ARHGAP42: variants seen among roughly 807,000 people sequenced by gnomAD.
ARHGAP42 encodes Rho GTPase activating protein 42, also known as rho GTPase-activating protein 42.
Under a neutral mutation model 125.0 loss-of-function variants are expected in ARHGAP42, and 63 were observed. That is an observed-to-expected ratio of 0.50 (90% confidence interval 0.41 to 0.62). ARHGAP42 has a LOEUF of 0.62. Among genes scored for constraint, ARHGAP42 ranks in the 20% least tolerant of loss-of-function variants. The pLI is 0.00. For missense variants in ARHGAP42, 766 were observed against 1,024.2 expected (o/e 0.75, Z 3.44); for synonymous variants, 339 against 351.0 (o/e 0.97, Z 0.38).
intron 1 of ARHGAP42, among the ~76,000 whole-genome samples, chr11:100,752,367 T>C (rs1001607044): frequency 3.9e-5 from 6 of 152,172 alleles, no homozygotes; most frequent in African/African-American, 1.2e-4. Flanking sequence ...TTGCAGACTA[T>C]CCTAGCTGAG....
intron 3 of ARHGAP42, among the ~76,000 whole-genome samples, chr11:100,805,349 A>G (rs1863963883): frequency 6.6e-6 from 1 of 152,244 alleles, no homozygotes. Flanking sequence ...AGATGTGCTA[A>G]TAAGTACTTT....
intron 6 of ARHGAP42, among the ~76,000 whole-genome samples, chr11:100,924,967 A>C (rs1317087314): frequency 1.3e-5 from 2 of 151,832 alleles, no homozygotes. Context: ...GAGTAGCTGA[A>C]ATTACAGGTG....
At chr11:100,830,339 G>T (rs1425719248) in intron 3 of ARHGAP42, among the ~76,000 whole-genome samples, 1 of 152,194 alleles carries the variant, frequency 6.6e-6, no homozygotes, top group Non-Finnish European at 1.5e-5. Flanking sequence ...TGCTACTTAA[G>T]ATTCATATTG....
intron 1 of ARHGAP42, among the ~76,000 whole-genome samples, chr11:100,726,073 GTCTC>G: frequency 1.6e-5 from 2 of 124,772 alleles, no homozygotes; most frequent in African/African-American, 6.4e-5. Context: ...GAAAGACCTT[GTCTC>G]TCTAAAAAAA....
chr11:100,899,855 T>C (rs1300302564), intron 4 of ARHGAP42, among the ~76,000 whole-genome samples: 1 of 152,134 alleles, frequency 6.6e-6, no homozygotes, highest in Non-Finnish European at 1.5e-5. Flanking sequence ...TCTTGACTCT[T>C]TATCCAATTT....
intron 3 of ARHGAP42, among the ~76,000 whole-genome samples, chr11:100,831,226 A>T (rs76821206): frequency 0.013 from 2,031 of 152,204 alleles, 17 homozygotes; most frequent in Middle Eastern, 0.041. Flanking sequence ...GATTATACAG[A>T]GGAGTGGACC....
chr11:100,873,678 A>G, intron 4 of ARHGAP42, among the ~76,000 whole-genome samples: 1 of 152,174 alleles, frequency 6.6e-6, no homozygotes, highest in South Asian at 2.1e-4. Context: ...TAGATGACTC[A>G]CATATATTTA....
chr11:100,733,928 TTG>T (rs1216009130), intron 1 of ARHGAP42, among the ~76,000 whole-genome samples: 5 of 144,694 alleles, frequency 3.5e-5, no homozygotes, highest in Non-Finnish European at 6.0e-5. Context: ...CAAAGCAAAG[TTG>T]TTTTTTTTTT....
Position 100,956,567 on chromosome 11 carries a change from G to T in ARHGAP42, c.1163-3316G>T, listed in dbSNP as rs148425988. 3.7e-3 allele frequency among the ~76,000 whole-genome samples: 512 copies of T among 138,854 alleles called. 3 individuals are homozygous for T. Among genetic ancestry groups the T allele is most frequent in the African/African-American group, 0.012 (458 of 36,808 alleles). 91.1% of individuals were successfully genotyped at this position (138,854 alleles called of 152,430 possible). A position where few individuals can be genotyped will look rare whatever the true frequency, so the allele number is the denominator to read the frequency against. On this transcript the variant is annotated intron_variant, in intron 12 of 23. Coordinates refer to ENST00000298815, the MANE Select transcript of ARHGAP42 (RefSeq NM_152432.4). ...ATTTCATTGTTAATGTGTATCACAT[G>T]ACCAAGCCTGGCTTCAAGGGTGCTG...
intron 1 of ARHGAP42, among the ~76,000 whole-genome samples, chr11:100,704,754 T>G (rs1378725789): frequency 6.6e-6 from 1 of 150,850 alleles, no homozygotes; most frequent in Admixed American, 6.6e-5. Flanking sequence ...AAGCTAGGAG[T>G]TGGAGACCAG....
At chr11:100,758,984 GA>G (rs1425362226) in intron 1 of ARHGAP42, among the ~76,000 whole-genome samples, 1 of 151,990 alleles carries the variant, frequency 6.6e-6, no homozygotes, top group Non-Finnish European at 1.5e-5. Flanking sequence ...TTATATTTGT[GA>G]AAAATTTTAG....
At position 100,687,409 on chromosome 11, in the gene ARHGAP42, G is replaced by A. The variant is rs1160212907; in HGVS notation, c.-270G>A. On this transcript the variant is annotated 5_prime_UTR_variant, in exon 1 of 24. Coordinates refer to ENST00000298815, the MANE Select transcript of ARHGAP42 (RefSeq NM_152432.4). Reference sequence around the variant, plus strand: ...GCCTCGCCGCCCCCGCGTTCCGAACGACGATGCGTCCAGATGACAACAACC... The same window carrying A: ...GCCTCGCCGCCCCCGCGTTCCGAACAACGATGCGTCCAGATGACAACAACC... Among the ~76,000 whole-genome samples, 2 of 151,954 alleles carry A rather than the reference G, an allele frequency of 1.3e-5. No individual in the cohort carries two copies. Among genetic ancestry groups the A allele is most frequent in the Non-Finnish European group, 1.5e-5 (1 of 67,950 alleles).
chr11:100,748,183 C>T (rs536695417), intron 1 of ARHGAP42, among the ~76,000 whole-genome samples: 10 of 152,188 alleles, frequency 6.6e-5, no homozygotes, highest in Non-Finnish European at 1.5e-4. Flanking sequence ...AATAAGACCT[C>T]GTTCAGTCCA....
intron 8 of ARHGAP42, among the ~76,000 whole-genome samples, chr11:100,936,542 A>T (rs1867743719): frequency 6.6e-6 from 1 of 152,230 alleles, no homozygotes; most frequent in Non-Finnish European, 1.5e-5. Context: ...CTTGGGACTT[A>T]CAGTCTTCAC....
chr11:100,692,004 A>AT (rs1329364288), intron 1 of ARHGAP42, among the ~76,000 whole-genome samples: 6 of 143,944 alleles, frequency 4.2e-5, no homozygotes, highest in Non-Finnish European at 7.8e-5. Flanking sequence ...TCAATAAAAA[A>AT]TAAAAAAAGA....
chr11:100,876,934 G>C (rs1010423308), intron 4 of ARHGAP42, among the ~76,000 whole-genome samples: 2 of 152,106 alleles, frequency 1.3e-5, no homozygotes, highest in Admixed American at 6.5e-5. Flanking sequence ...TCAAGAGCCT[G>C]GTGATTTACA....
intron 1 of ARHGAP42, among the ~76,000 whole-genome samples, chr11:100,709,330 A>C (rs926568782): frequency 1.3e-5 from 2 of 152,106 alleles, no homozygotes; most frequent in Admixed American, 6.5e-5. Flanking sequence ...CTGTCTCTCA[A>C]ATACCCTGTA....
In ARHGAP42 at chr11:100,921,214, C is replaced by CAT. The variant is rs1555024757; in HGVS notation, c.487-249_487-248dup. 9.2e-3 allele frequency among the ~76,000 whole-genome samples: 334 copies of CAT among 36,182 alleles called. 2 individuals are homozygous for CAT. Among genetic ancestry groups the CAT allele is most frequent in the Middle Eastern group, 0.033 (1 of 30 alleles). The allele number at this position is 36,182 out of a possible 152,430, so 23.7% of individuals were successfully genotyped here. On this transcript the variant is annotated intron_variant, in intron 5 of 23. Transcript: ENST00000298815. Reference sequence around the variant, plus strand: ...ATACCCCTCTTGTAATATATATATACATATATATATATATATATATATATA... The same window carrying CAT: ...ATACCCCTCTTGTAATATATATATACATATATATATATATATATATATATATA...
chr11:100,811,051 G>T (rs1195291902), intron 3 of ARHGAP42, among the ~76,000 whole-genome samples: 2 of 152,066 alleles, frequency 1.3e-5, no homozygotes, highest in Non-Finnish European at 2.9e-5. Flanking sequence ...CGCCTCCTGG[G>T]TTCAAGTGAT....
Sources: allele counts gnomAD v4.1 joint callset (sites outside exome capture counted in the v4.1 genomes callset), GRCh38; gene constraint gnomAD v4.1.1; transcripts MANE v1.5; gene names NCBI Gene and HGNC (gene_info 2026-07-23, HGNC 2026-07-21).